Variants in AJM1 observed in about 807,000 individuals in gnomAD.
AJM1 encodes the protein uncharacterized protein C9orf172.
In AJM1, 22 loss-of-function variants were observed where a neutral mutation model predicts 43.0. That is an observed-to-expected ratio of 0.51 (90% confidence interval 0.37 to 0.73). The LOEUF is 0.73. Ranked by LOEUF, AJM1 falls within the 30% of genes least tolerant of loss-of-function variation. The pLI is 0.00. For synonymous variants in AJM1, 719 were observed against 638.3 expected (o/e 1.13, Z -1.91); for missense variants, 1,305 against 1,343.3 (o/e 0.97, Z 0.45).
chr9:136,845,579 G>T lies in AJM1; in HGVS notation c.1165G>T (p.Ala389Ser). Residue 389 changes from alanine (A) to serine (S), a missense_variant, in exon 3 of 3, where the codon GCT (alanine) becomes TCT (serine). Coordinates refer to ENST00000436881, the MANE Select transcript of AJM1 (RefSeq NM_001080482.5). ...FGRYRERDVLARTYPHPRSSP... is the reference protein window; with the variant it reads ...FGRYRERDVLSRTYPHPRSSP... ...AAGGTACCGCGAGCGTGACGTCCTG[G>T]CTCGGACGTACCCGCACCCGCGCAG... The T allele has an allele frequency of 6.3e-7, 1 of 1,587,442 alleles. No individual in the cohort carries two copies. Among genetic ancestry groups the T allele is most frequent in the South Asian group, 1.1e-5 (1 of 88,452 alleles).
chr9:136,845,289 G>A lies in AJM1; in HGVS notation c.875G>A (p.Gly292Asp). The change falls in exon 3 of 3, where the codon GGC (glycine) becomes GAC (aspartate). Residue 292 changes from glycine (G) to aspartate (D), a missense_variant. This residue lies in a region of AJM1 where 653 missense variants were observed against 549.1 expected (regional missense o/e 1.19). Coordinates refer to ENST00000436881, the MANE Select transcript of AJM1 (RefSeq NM_001080482.5). ...FYTEEPQGFR[G>D]SFAASPGPTF... The stretch of plus-strand genomic sequence containing the variant: ...ACAGAGGAGCCCCAAGGCTTCCGGG[G>A]CAGCTTTGCAGCCAGTCCCGGCCCA... 6.2e-7 allele frequency: 1 copy of A among 1,610,510 alleles called. No homozygotes were observed. Among genetic ancestry groups the A allele is most frequent in the Non-Finnish European group, 8.5e-7 (1 of 1,179,710 alleles).
Position 136,844,801 on chromosome 9 carries a change from G to T in AJM1, c.387G>T (p.Ser129=). ...AGCGTGCGGCGCGGGCCGAGGCATC[G>T]CCGCGCCGGGAGCCCGCGTACCCGG... The part of the protein sequence containing the change: ...EAQRAARAEA[S]PRREPAYPAL... The change falls in exon 3 of 3, where the codon TCG becomes TCT. Residue 129 remains serine, a synonymous_variant. Transcript: ENST00000436881. 4.4e-6 allele frequency: 1 copy of T among 226,150 alleles called. No individual in the cohort carries two copies. The highest frequency in any genetic ancestry group is 7.8e-6 in the Non-Finnish European group (1 of 127,642). The allele number at this position is 226,150 out of a possible 1,614,324, so 14.0% of individuals were successfully genotyped here. A position where few individuals can be genotyped will look rare whatever the true frequency, so the allele number is the denominator to read the frequency against.
rs1848742691 is a variant in AJM1, at chr9:136,844,702, G to GCC, written c.291_292dup (p.Arg98ProfsTer7). 1 of 1,122,590 alleles carries GCC rather than the reference G, an allele frequency of 8.9e-7. No homozygotes were observed. The highest frequency in any genetic ancestry group is 2.3e-5 in the South Asian group (1 of 44,060). The allele number at this position is 1,122,590 out of a possible 1,614,324, so 69.5% of individuals were successfully genotyped here. ...GCCGCCGCGCCCGCTCCAAGAGTGC[G>GCC]CCCCGCGCGCCCCCGGGCCTGACGC... On this transcript the variant is annotated frameshift_variant, in exon 3 of 3. Transcript: ENST00000436881. LOFTEE classifies it low-confidence loss of function (END_TRUNC).
chr9:136,845,582 C>G lies in AJM1; in HGVS notation c.1168C>G (p.Arg390Gly). ...GTACCGCGAGCGTGACGTCCTGGCT[C>G]GGACGTACCCGCACCCGCGCAGCAG... ...GRYRERDVLA[R>G]TYPHPRSSPA... is the part of the protein sequence containing the mutation. The change falls in exon 3 of 3, where the codon CGG becomes GGG. Residue 390 changes from arginine (R) to glycine (G), a missense_variant. Physicochemically the swap from Arg to Gly is moderately radical, Grantham distance 125. This residue lies in a region of AJM1 where 653 missense variants were observed against 549.1 expected (regional missense o/e 1.19). Transcript: ENST00000436881. 1 of 1,586,436 alleles carries G rather than the reference C, an allele frequency of 6.3e-7. No individual in the cohort carries two copies. Among genetic ancestry groups the G allele is most frequent in the East Asian group, 2.3e-5 (1 of 43,616 alleles).
Position 136,844,760 on chromosome 9 carries a change from C to A in AJM1, c.346C>A (p.Arg116=). The change falls in exon 3 of 3, where the codon CGA becomes AGA. Residue 116 remains arginine (R), a synonymous_variant. Transcript: ENST00000436881. ...APASPPVLPR[R]GREAQRAARA... ...CGCCTCGCCGCCGGTGTTGCCCCGC[C>A]GAGGGCGGGAGGCCCAGCGTGCGGC... is the stretch of plus-strand genomic sequence containing the variant. The A allele has an allele frequency of 2.3e-6, 1 of 433,036 alleles. No individual in the cohort carries two copies. The allele number at this position is 433,036 out of a possible 1,614,324, so 26.8% of individuals were successfully genotyped here.
rs763430544 is a variant in AJM1 at position 136,846,070 on chromosome 9, G to C, written c.1656G>C (p.Glu552Asp). The C allele has an allele frequency of 1.3e-6, 2 of 1,535,678 alleles. No individual in the cohort carries two copies. The highest frequency in any genetic ancestry group is 1.7e-6 in the Non-Finnish European group (2 of 1,143,746). ...AGCGCCCGAGCGCCAGGGCCTGGGAGTTGCCCGGGGGCCGCACGCGGCCAC... is the reference window on the plus strand; with the variant it reads ...AGCGCCCGAGCGCCAGGGCCTGGGACTTGCCCGGGGGCCGCACGCGGCCAC... Reference protein sequence around the residue: ...ATERPSARAWELPGGRTRPPP... With the variant: ...ATERPSARAWDLPGGRTRPPP... The change falls in exon 3 of 3, where the codon GAG (glutamate) becomes GAC (aspartate). Residue 552 changes from glutamate (E) to aspartate (D), a missense_variant. Physicochemically the swap from Glu to Asp is conservative, Grantham distance 45. Transcript: ENST00000436881.
chr9:136,842,807 G>A (rs1188377840), intron 1 of AJM1, among the ~76,000 whole-genome samples: 1 of 152,134 alleles, frequency 6.6e-6, no homozygotes, highest in African/African-American at 2.4e-5. Flanking sequence ...CCTTGGGCCC[G>A]GGAGAGGGCC....
rs767531845 is a variant in AJM1 at position 136,845,411 on chromosome 9, A to C, written c.997A>C (p.Thr333Pro). 6.2e-7 allele frequency: 1 copy of C among 1,612,026 alleles called. No individual in the cohort carries two copies. The highest frequency in any genetic ancestry group is 1.1e-5 in the South Asian group (1 of 91,056). Residue 333 changes from threonine (T) to proline (P), a missense_variant, in exon 3 of 3, where the codon ACC becomes CCC. Thr to Pro is a conservative substitution (Grantham distance 38, BLOSUM62 -1). Around this residue, in one of 6 missense-constraint regions of AJM1, gnomAD observed 653 missense variants for 549.1 expected, o/e 1.19. Transcript: ENST00000436881. The stretch of plus-strand genomic sequence containing the variant: ...CGGCTACTACGCAGGAGAGGTGCGC[A>C]CCTTCCCAATCCAGGAACCGCCCTC... ...MGGYYAGEVR[T>P]FPIQEPPSRS...
Position 136,847,082 on chromosome 9 carries a change from G to A in AJM1, c.2668G>A (p.Ala890Thr). Reference sequence around the variant, plus strand: ...GGCGGGCCTGGATCAGGACGGCGAGGCGGGCCGGCGCGCGCGCGAGGTGGC... The same window carrying A: ...GGCGGGCCTGGATCAGGACGGCGAGACGGGCCGGCGCGCGCGCGAGGTGGC... ...GTAGLDQDGE[A>T]GRRAREVAFI... The change falls in exon 3 of 3, where the codon GCG becomes ACG. Residue 890 changes from alanine (A) to threonine (T), a missense_variant. By Grantham distance (58) the Ala-to-Thr change is moderately conservative (BLOSUM62 0). This residue lies in a region of AJM1 where 391 missense variants were observed against 507.5 expected (regional missense o/e 0.77). Transcript: ENST00000436881. 1 of 1,473,206 alleles carries A rather than the reference G, an allele frequency of 6.8e-7. No individual in the cohort carries two copies. Among genetic ancestry groups the A allele is most frequent in the African/African-American group, 1.5e-5 (1 of 68,916 alleles). The allele number at this position is 1,473,206 out of a possible 1,614,324, so 91.3% of individuals were successfully genotyped here. A position where few individuals can be genotyped will look rare whatever the true frequency, so the allele number is the denominator to read the frequency against.
chr9:136,846,613 C>G lies in AJM1; in HGVS notation c.2199C>G (p.His733Gln). The change falls in exon 3 of 3, where the codon CAC becomes CAG. Residue 733 changes from histidine (H) to glutamine (Q), a missense_variant. His to Gln is a conservative substitution (Grantham distance 24, BLOSUM62 0). This residue lies in a region of AJM1 where 391 missense variants were observed against 507.5 expected (regional missense o/e 0.77). Transcript: ENST00000436881. Reference sequence around the variant, plus strand: ...TTTGCCGCGACAGCGGCCCGGTGCACCGCGCTTTCTCGCGCATCGCGCGTG... The same window carrying G: ...TTTGCCGCGACAGCGGCCCGGTGCAGCGCGCTTTCTCGCGCATCGCGCGTG... Reference protein sequence around the residue: ...LQFCRDSGPVHRAFSRIARVG... With the variant: ...LQFCRDSGPVQRAFSRIARVG... 5 of 1,593,820 alleles carry G rather than the reference C, an allele frequency of 3.1e-6. No individual in the cohort carries two copies. The highest frequency in any genetic ancestry group is 2.1e-4 in the Middle Eastern group (1 of 4,674).
At position 136,845,729 on chromosome 9, in the gene AJM1, GCCA is replaced by G; in HGVS notation, c.1318_1320del (p.Thr440del). ...CACCGGCACCAGTCCGCCCCGGCTG[GCCA>G]CCGACAGCCGCCACTACTCGCGCTC... is the stretch of plus-strand genomic sequence containing the variant. On this transcript the variant is annotated inframe_deletion, in exon 3 of 3. Coordinates refer to ENST00000436881, the MANE Select transcript of AJM1 (RefSeq NM_001080482.5). 2.6e-6 allele frequency: 4 copies of G among 1,558,028 alleles called. No individual in the cohort carries two copies. The highest frequency in any genetic ancestry group is 3.4e-6 in the Non-Finnish European group (4 of 1,160,798).
In AJM1 at chr9:136,845,452, G is replaced by A. The variant is rs781660782; in HGVS notation, c.1038G>A (p.Gly346=). Residue 346 remains glycine (G), a synonymous_variant, in exon 3 of 3, where the codon GGG becomes GGA. Transcript: ENST00000436881. ...AACCGCCCTCCCGCTCCTACTATGG[G>A]GAGGCTCCACGAGCCTACGGCCTGC... ...IQEPPSRSYY[G]EAPRAYGLPY... 7.4e-6 allele frequency: 12 copies of A among 1,610,994 alleles called. No homozygotes were observed. Among genetic ancestry groups the A allele is most frequent in the East Asian group, 2.2e-5 (1 of 44,788 alleles).
Position 136,847,124 on chromosome 9 carries a change from C to T in AJM1, c.2710C>T (p.Arg904Cys). 1 of 1,588,228 alleles carries T rather than the reference C, an allele frequency of 6.3e-7. No individual in the cohort carries two copies. The highest frequency in any genetic ancestry group is 8.5e-7 in the Non-Finnish European group (1 of 1,174,338). The change falls in exon 3 of 3, where the codon CGC becomes TGC. Residue 904 changes from arginine to cysteine, a missense_variant. Around this residue, in one of 6 missense-constraint regions of AJM1, gnomAD observed 5 missense variants for 20.7 expected, o/e 0.24. Transcript: ENST00000436881. The stretch of plus-strand genomic sequence containing the variant: ...CGAGGTGGCCTTCATCCACATCCAG[C>T]GCGAGCTGCGGCTGCGCGGCGTCTT... Reference protein sequence around the residue: ...AREVAFIHIQRELRLRGVFLR... With the variant: ...AREVAFIHIQCELRLRGVFLR...
Position 136,845,722 on chromosome 9 carries a change from C to G in AJM1, c.1308C>G (p.Pro436=). 6.4e-7 allele frequency: 1 copy of G among 1,563,052 alleles called. No homozygotes were observed. The highest frequency in any genetic ancestry group is 8.6e-7 in the Non-Finnish European group (1 of 1,163,340). ...ACGGCGGCACCGGCACCAGTCCGCC[C>G]CGGCTGGCCACCGACAGCCGCCACT... is the stretch of plus-strand genomic sequence containing the variant. The part of the protein sequence containing the change: ...SWHGGTGTSP[P]RLATDSRHYS... Residue 436 remains proline (P), a synonymous_variant, in exon 3 of 3, where the codon CCC becomes CCG. Transcript: ENST00000436881.
rs547283300 is a variant in AJM1, at chr9:136,845,959, G to A, written c.1545G>A (p.Glu515=). ...ALSLSETSLT[E]KGRAGEGLGR... is the part of the protein sequence containing the mutation. ...CCCTGTCCGAGACGTCGCTGACGGA[G>A]AAGGGCCGCGCGGGCGAGGGCCTGG... Residue 515 remains glutamate (E), a synonymous_variant, in exon 3 of 3, where the codon GAG becomes GAA. Coordinates refer to ENST00000436881, the MANE Select transcript of AJM1 (RefSeq NM_001080482.5). 2 of 1,553,748 alleles carry A rather than the reference G, an allele frequency of 1.3e-6. No individual in the cohort carries two copies. Among genetic ancestry groups the A allele is most frequent in the African/African-American group, 1.4e-5 (1 of 73,278 alleles).
In AJM1 at chr9:136,844,674, C is replaced by A; in HGVS notation, c.260C>A (p.Pro87Gln). The A allele has an allele frequency of 1.4e-6, 2 of 1,410,248 alleles. No individual in the cohort carries two copies. The highest frequency in any genetic ancestry group is 9.3e-7 in the Non-Finnish European group (1 of 1,070,912). The allele number at this position is 1,410,248 out of a possible 1,614,324, so 87.4% of individuals were successfully genotyped here. The change falls in exon 3 of 3, where the codon CCA becomes CAA. Residue 87 changes from proline (P) to glutamine (Q), a missense_variant. Pro to Gln is a moderately conservative substitution (Grantham distance 76). This residue lies in a region of AJM1 where 12 missense variants were observed against 31.9 expected (regional missense o/e 0.38). Transcript: ENST00000436881. ...VPRARTREAE[P>Q]RRRARSKSAP... ...CGCGCCCGGACCCGCGAAGCCGAGC[C>A]ACGCCGCCGCGCCCGCTCCAAGAGT...
rs756354535 is a variant in AJM1 at position 136,846,367 on chromosome 9, G to A, written c.1953G>A (p.Ala651=). The A allele has an allele frequency of 2.1e-6, 3 of 1,440,496 alleles. No homozygotes were observed. Among genetic ancestry groups the A allele is most frequent in the East Asian group, 5.6e-5 (2 of 35,702 alleles). The allele number at this position is 1,440,496 out of a possible 1,614,324, so 89.2% of individuals were successfully genotyped here. The stretch of plus-strand genomic sequence containing the variant: ...CGGCCCCGGGAGAGGCGGCCGACGC[G>A]TCCCCCGAACCCAGCGCCGACGAGG... ...EPAAPGEAAD[A]SPEPSADEDD... The change falls in exon 3 of 3, where the codon GCG becomes GCA. Residue 651 remains alanine (A), a synonymous_variant. Coordinates refer to ENST00000436881, the MANE Select transcript of AJM1 (RefSeq NM_001080482.5).
chr9:136,844,287 G>A lies in AJM1; in HGVS notation c.-60+8G>A. ...CCGCCCGCTGCGCCCCAGGTAAGCC[G>A]GGCCAGCGTGGGGGAGTAGCGGGGC... is the stretch of plus-strand genomic sequence containing the variant. On this transcript the variant is annotated splice_region_variant and intron_variant, in intron 2 of 2. Transcript: ENST00000436881. 2.6e-6 allele frequency: 2 copies of A among 769,410 alleles called. No homozygotes were observed. The highest frequency in any genetic ancestry group is 4.3e-6 in the Non-Finnish European group (2 of 463,744). 47.7% of individuals were successfully genotyped at this position (769,410 alleles called of 1,614,324 possible).
At position 136,846,571 on chromosome 9, in the gene AJM1, C is replaced by T. The variant is rs1194443164; in HGVS notation, c.2157C>T (p.Cys719=). 5.7e-6 allele frequency: 9 copies of T among 1,591,866 alleles called. No individual in the cohort carries two copies. Among genetic ancestry groups the T allele is most frequent in the Non-Finnish European group, 6.8e-6 (8 of 1,175,930 alleles). The change falls in exon 3 of 3, where the codon TGC becomes TGT. Residue 719 remains cysteine, a synonymous_variant. Coordinates refer to ENST00000436881, the MANE Select transcript of AJM1 (RefSeq NM_001080482.5). ...TGTACGGCCGCGTGGGCAGCGTGTG[C>T]CGCCACGTACTGCAGTTTTGCCGCG... ...RCVYGRVGSV[C]RHVLQFCRDS...
Sources: allele counts gnomAD v4.1 joint callset (sites outside exome capture counted in the v4.1 genomes callset), GRCh38; gene constraint gnomAD v4.1.1; regional missense constraint gnomAD v4.1.1; transcripts MANE v1.5; gene names NCBI Gene and HGNC (gene_info 2026-07-23, HGNC 2026-07-21).